Variants in MACROD2 observed in about 807,000 individuals in gnomAD.
MACROD2 encodes the protein mono-ADP ribosylhydrolase 2.
MACROD2 carries 36 observed loss-of-function variants against 70.4 expected under a neutral mutation model. The ratio of observed to expected loss-of-function variants is 0.51; its 90% confidence interval spans 0.39 to 0.68. The LOEUF (loss-of-function observed/expected upper bound fraction) is 0.68, where lower values mean the gene tolerates loss of function less well. MACROD2 is among the 30% of genes least tolerant of loss of function. MACROD2 has a pLI of 0.00. For missense variants in MACROD2, 496 were observed against 538.4 expected (o/e 0.92, Z 0.78); for synonymous variants, 172 against 178.8 (o/e 0.96, Z 0.30).
intron 8 of MACROD2, among the ~76,000 whole-genome samples, chr20:15,744,738 T>C (rs1568536939): frequency 7.0e-6 from 1 of 143,144 alleles, no homozygotes; most frequent in African/African-American, 2.6e-5. Flanking sequence ...ACACACACAC[T>C]ACACACAAGG....
chr20:14,278,947 A>C (rs16994463), intron 3 of MACROD2, among the ~76,000 whole-genome samples: 3,359 of 152,328 alleles, frequency 0.022, 38 homozygotes, highest in Non-Finnish European at 0.024. Context: ...AGTCATTGTT[A>C]CTATAATACA....
rs536617414 is a variant in MACROD2, at chr20:15,279,463, G to A, written c.540+49402G>A. Reference sequence around the variant, plus strand: ...CAAAGAATGCAGATCTAAGGTCCAAGGTGCAATTCATTGTCCACACATCAA... The same window carrying A: ...CAAAGAATGCAGATCTAAGGTCCAAAGTGCAATTCATTGTCCACACATCAA... On this transcript the variant is annotated intron_variant, in intron 6 of 17. Transcript: ENST00000684519. Among the ~76,000 whole-genome samples, 7 of 152,250 alleles carry A rather than the reference G, an allele frequency of 4.6e-5. No individual in the cohort carries two copies. The South Asian group carries it at 1.5e-3, about 32-fold the overall frequency.
At chr20:14,138,584 G>C (rs922554681) in intron 3 of MACROD2, among the ~76,000 whole-genome samples, 1 of 152,140 alleles carries the variant, frequency 6.6e-6, no homozygotes, top group African/African-American at 2.4e-5. Context: ...ATGCAATTTA[G>C]TATGTACAGC....
intron 8 of MACROD2, among the ~76,000 whole-genome samples, chr20:15,808,171 T>A (rs2063786423): frequency 6.6e-6 from 1 of 151,836 alleles, no homozygotes; most frequent in Non-Finnish European, 1.5e-5. Context: ...GAGACAGGAG[T>A]CTTGCCGATG....
intron 6 of MACROD2, among the ~76,000 whole-genome samples, chr20:15,379,347 T>C (rs2045609412): frequency 6.6e-6 from 1 of 152,168 alleles, no homozygotes; most frequent in Admixed American, 6.5e-5. Flanking sequence ...CCATCATTTT[T>C]GGTCTACAAA....
intron 5 of MACROD2, among the ~76,000 whole-genome samples, chr20:15,215,252 TTGTGTGTG>T (rs376439581): frequency 6.3e-4 from 85 of 135,544 alleles, no homozygotes; most frequent in Admixed American, 1.4e-3. Context: ...CTCCTGTATT[TTGTGTGTG>T]TGTGTGTGTG....
intron 4 of MACROD2, among the ~76,000 whole-genome samples, chr20:14,538,607 T>C (rs898232708): frequency 1.3e-5 from 2 of 152,124 alleles, no homozygotes; most frequent in Non-Finnish European, 2.9e-5. Context: ...CTCTCTCAGC[T>C]CTAACCACAC....
chr20:14,867,181 G>A (rs1321825170), intron 5 of MACROD2, among the ~76,000 whole-genome samples: 3 of 152,058 alleles, frequency 2.0e-5, no homozygotes, highest in East Asian at 1.9e-4. Context: ...GATGAAAGAA[G>A]GCATAATTTT....
At chr20:15,571,758 G>A (rs2048378664) in intron 8 of MACROD2, among the ~76,000 whole-genome samples, 1 of 152,098 alleles carries the variant, frequency 6.6e-6, no homozygotes, top group Admixed American at 6.6e-5. Flanking sequence ...GTTTTCCAAA[G>A]TATATTCTTA....
intron 4 of MACROD2, among the ~76,000 whole-genome samples, chr20:14,549,577 A>T (rs1978517868): frequency 6.6e-6 from 1 of 151,890 alleles, no homozygotes; most frequent in Non-Finnish European, 1.5e-5. Context: ...TGCTTGGCAG[A>T]TTACTTCTAC....
chr20:15,876,316 A>G (rs535615192), intron 9 of MACROD2, among the ~76,000 whole-genome samples: 54 of 151,680 alleles, frequency 3.6e-4, no homozygotes, highest in Non-Finnish European at 1.3e-4. Flanking sequence ...TCCTGTGTCC[A>G]AGTGTTCTCA....
intron 6 of MACROD2, among the ~76,000 whole-genome samples, chr20:15,410,267 T>A (rs917691964): frequency 2.0e-5 from 3 of 152,216 alleles, no homozygotes; most frequent in African/African-American, 7.2e-5. Context: ...AGCTTTTTAG[T>A]ACTTACGACT....
intron 5 of MACROD2, among the ~76,000 whole-genome samples, chr20:14,846,049 C>A (rs773357535): frequency 6.6e-6 from 1 of 151,974 alleles, no homozygotes; most frequent in South Asian, 2.1e-4. Flanking sequence ...ATATTTATTT[C>A]ATCTAGCAAG....
intron 3 of MACROD2, among the ~76,000 whole-genome samples, chr20:14,138,760 T>C (rs2054832021): frequency 7.7e-6 from 1 of 129,676 alleles, no homozygotes; most frequent in Admixed American, 8.1e-5. Context: ...GATCTTAAGT[T>C]TTCCACACAC....
intron 4 of MACROD2, among the ~76,000 whole-genome samples, chr20:14,570,369 G>A (rs187848325): frequency 3.3e-5 from 5 of 152,084 alleles, no homozygotes; most frequent in East Asian, 1.9e-4. Flanking sequence ...GTAATGACAA[G>A]AAGAGGACCT....
intron 15 of MACROD2, among the ~76,000 whole-genome samples, chr20:16,031,385 C>T (rs919925527): frequency 6.6e-6 from 1 of 152,138 alleles, no homozygotes; most frequent in Admixed American, 6.5e-5. Context: ...TCTAAGTGAT[C>T]TGATTGATCT....
chr20:15,840,138 G>A (rs932721150), intron 8 of MACROD2, among the ~76,000 whole-genome samples: 1 of 152,140 alleles, frequency 6.6e-6, no homozygotes, highest in African/African-American at 2.4e-5. Flanking sequence ...GAGAAAGTCT[G>A]GCACTGTGGC....
At chr20:15,830,793 T>C (rs1300746403) in intron 8 of MACROD2, among the ~76,000 whole-genome samples, 1 of 152,200 alleles carries the variant, frequency 6.6e-6, no homozygotes, top group Non-Finnish European at 1.5e-5. Flanking sequence ...AATGAGATAA[T>C]ATACATCAAG....
Position 15,193,075 on chromosome 20 carries a change from C to T in MACROD2, c.419-36865C>T, listed in dbSNP as rs187729541. ...GAGTTTTCGGTTGTGCATGAGAATA[C>T]GTCCACTGGTCATCAGCAGGCTCTA... On this transcript the variant is annotated intron_variant, in intron 5 of 17. Transcript: ENST00000684519. Among the ~76,000 whole-genome samples, 364 of 152,254 alleles carry T rather than the reference C, an allele frequency of 2.4e-3. 2 individuals carry two copies. Among genetic ancestry groups the T allele is most frequent in the African/African-American group, 8.3e-3 (346 of 41,546 alleles).
Sources: gnomAD v4.1 joint callset for allele counts (sites outside exome capture counted in the v4.1 genomes callset) on GRCh38, gnomAD v4.1.1 for gene constraint, MANE v1.5 for transcripts, NCBI Gene and HGNC (gene_info 2026-07-23, HGNC 2026-07-21) for gene names.